The following PAK5 variants were observed in gnomAD, a reference collection of about 807,000 sequenced individuals.
The protein encoded by PAK5 is p21 (RAC1) activated kinase 5.
Under a neutral mutation model 65.9 loss-of-function variants are expected in PAK5, and 16 were observed. That is an observed-to-expected ratio of 0.24 (90% CI 0.16 to 0.37). The LOEUF is 0.37. Among genes scored for constraint, PAK5 ranks in the 10% least tolerant of loss-of-function variants. The pLI, the probability that PAK5 is intolerant of heterozygous loss-of-function variation, is 1.00. For synonymous variants in PAK5, 371 were observed against 354.9 expected (o/e 1.05, Z -0.51); for missense variants, 785 against 903.9 (o/e 0.87, Z 1.69).
intron 2 of PAK5, among the ~76,000 whole-genome samples, chr20:9,702,686 G>A (rs1055873156): frequency 5.3e-5 from 8 of 152,042 alleles, no homozygotes; most frequent in Non-Finnish European, 1.0e-4. Context: ...AGATCTATTA[G>A]CTGCCCAGTT....
At chr20:9,667,575 ATCT>A (rs1360390666) in intron 2 of PAK5, among the ~76,000 whole-genome samples, 1 of 152,178 alleles carries the variant, frequency 6.6e-6, no homozygotes, top group East Asian at 1.9e-4. Context: ...CAGAAAGTTC[ATCT>A]TCTAGTTGCA....
chr20:9,606,157 C>T (rs1316111339), intron 3 of PAK5, among the ~76,000 whole-genome samples: 1 of 152,078 alleles, frequency 6.6e-6, no homozygotes, highest in Non-Finnish European at 1.5e-5. Context: ...AGTGCCATCC[C>T]CTTGGTACTA....
At chr20:9,772,057 A>T (rs1345272762) in intron 1 of PAK5, among the ~76,000 whole-genome samples, 1 of 152,154 alleles carries the variant, frequency 6.6e-6, no homozygotes, top group Non-Finnish European at 1.5e-5. Flanking sequence ...AAAAACAAAA[A>T]TAAATTATTA....
chr20:9,626,743 C>A (rs1203520767), intron 3 of PAK5, among the ~76,000 whole-genome samples: 8 of 151,764 alleles, frequency 5.3e-5, no homozygotes, highest in African/African-American at 1.7e-4. Flanking sequence ...ACAGTTTGGA[C>A]TGAATTACCT....
At chr20:9,723,956 T>A (rs2048246411) in intron 1 of PAK5, among the ~76,000 whole-genome samples, 1 of 152,196 alleles carries the variant, frequency 6.6e-6, no homozygotes, top group African/African-American at 2.4e-5. Context: ...TGACTCAGGA[T>A]GTTTCCTTTT....
intron 6 of PAK5, among the ~76,000 whole-genome samples, chr20:9,560,065 T>C (rs866445314): frequency 1.0e-3 from 158 of 152,306 alleles, no homozygotes; most frequent in African/African-American, 3.6e-3. Context: ...GAAATTTGAG[T>C]TATCTGAAAG....
intron 1 of PAK5, among the ~76,000 whole-genome samples, chr20:9,752,376 TA>T (rs2048587004): frequency 6.6e-6 from 1 of 152,052 alleles, no homozygotes; most frequent in Non-Finnish European, 1.5e-5. Flanking sequence ...AAAACTTATT[TA>T]TATTTTCAAA....
In PAK5 at chr20:9,814,933, T is replaced by C. The variant is rs144270511; in HGVS notation, c.-162+23829A>G. ...AAAAGGTTTATTTGGCTCATGGTTCTGCAGGCTGTACAAGAAGCATAGCAC... is the reference window on the plus strand; with the variant it reads ...AAAAGGTTTATTTGGCTCATGGTTCCGCAGGCTGTACAAGAAGCATAGCAC... On this transcript the variant is annotated intron_variant, in intron 1 of 9. Transcript: ENST00000353224. 6.6e-3 allele frequency among the ~76,000 whole-genome samples: 1,000 copies of C among 152,316 alleles called. 6 individuals carry two copies. The highest frequency in any genetic ancestry group is 0.011 in the Non-Finnish European group (755 of 68,024).
At chr20:9,625,044 A>G (rs1280229612) in intron 3 of PAK5, among the ~76,000 whole-genome samples, 2 of 152,182 alleles carry the variant, frequency 1.3e-5, no homozygotes, top group Non-Finnish European at 2.9e-5. Context: ...TTAAAAAAGT[A>G]TTATTACTAC....
chr20:9,602,317 A>C (rs144445917), intron 3 of PAK5, among the ~76,000 whole-genome samples: 24,334 of 150,592 alleles, frequency 0.16, 2,338 homozygotes, highest in East Asian at 0.32. Flanking sequence ...TAAATAAATA[A>C]ATAAATAAAT....
intron 1 of PAK5, among the ~76,000 whole-genome samples, chr20:9,806,501 C>T (rs1245945811): frequency 6.6e-6 from 1 of 152,182 alleles, no homozygotes; most frequent in Admixed American, 6.5e-5. Context: ...ACCCTACCTC[C>T]TATATCTATA....
chr20:9,766,518 GCAGAATATATATATATATATATATAT>G (rs2048769534), intron 1 of PAK5, among the ~76,000 whole-genome samples: 1 of 30,238 alleles, frequency 3.3e-5, no homozygotes, highest in African/African-American at 3.3e-4. Context: ...ATATATTCAA[GCAGAATATATATATATATATATATAT>G]ATATATTTTC....
chr20:9,828,034 C>T (rs549921579), intron 1 of PAK5, among the ~76,000 whole-genome samples: 154 of 152,052 alleles, frequency 1.0e-3, no homozygotes, highest in Non-Finnish European at 1.9e-3. Flanking sequence ...CAGGGTTTCA[C>T]CATGTTGGCC....
chr20:9,744,271 C>T lies in PAK5; in HGVS notation c.-161-32836G>A, dbSNP rs144288927. The stretch of plus-strand genomic sequence containing the variant: ...TTACAGTGGTCACAGGAAATTAATA[C>T]AGAGCCTAAAGATTAATACAAAGTC... On this transcript the variant is annotated intron_variant, in intron 1 of 9. Transcript: ENST00000353224. Among the ~76,000 whole-genome samples the T allele has an allele frequency of 2.0e-5, 3 of 152,324 alleles. No individual in the cohort carries two copies. In the East Asian group the frequency reaches 5.8e-4, roughly 29 times the overall value.
intron 3 of PAK5, among the ~76,000 whole-genome samples, chr20:9,601,953 C>T (rs1387160641): frequency 2.0e-5 from 3 of 152,118 alleles, no homozygotes; most frequent in Non-Finnish European, 4.4e-5. Flanking sequence ...TGTTATAAGT[C>T]ATTAGCATTT....
chr20:9,676,163 A>G (rs140263632), intron 2 of PAK5, among the ~76,000 whole-genome samples: 11 of 152,240 alleles, frequency 7.2e-5, no homozygotes, highest in African/African-American at 2.6e-4. Flanking sequence ...TACAATAATC[A>G]TCAAATCTCG....
chr20:9,705,459 C>A (rs940778711), intron 2 of PAK5, among the ~76,000 whole-genome samples: 7 of 152,148 alleles, frequency 4.6e-5, no homozygotes, highest in African/African-American at 1.4e-4. Flanking sequence ...TAGTCATATA[C>A]CACTTGTTGG....
At chr20:9,708,420 A>T (rs756508499) in intron 2 of PAK5, among the ~76,000 whole-genome samples, 1 of 152,214 alleles carries the variant, frequency 6.6e-6, no homozygotes, top group Non-Finnish European at 1.5e-5. Context: ...CACCTGACAG[A>T]GGGGATATCC....
intron 3 of PAK5, among the ~76,000 whole-genome samples, chr20:9,615,325 G>A (rs1294253800): frequency 2.6e-5 from 4 of 152,180 alleles, no homozygotes; most frequent in African/African-American, 9.7e-5. Flanking sequence ...TGGACTTTGA[G>A]TGATAATGAC....
Sources: allele counts gnomAD v4.1 joint callset (sites outside exome capture counted in the v4.1 genomes callset), GRCh38; gene constraint gnomAD v4.1.1; transcripts MANE v1.5; gene names NCBI Gene and HGNC (gene_info 2026-07-23, HGNC 2026-07-21).